Variants in TIMELESS observed in about 807,000 individuals in gnomAD.
TIMELESS encodes protein timeless homolog.
TIMELESS carries 124 observed loss-of-function variants against 164.3 expected under a neutral mutation model. That is an observed-to-expected ratio of 0.75 (90% CI 0.65 to 0.88). The LOEUF (loss-of-function observed/expected upper bound fraction) is 0.88, where lower values mean the gene tolerates loss of function less well. TIMELESS is among the 40% of genes least tolerant of loss of function. The probability of loss-of-function intolerance (pLI) is 0.00; values close to 1 mark genes in which losing one functional copy is unlikely to be tolerated. For synonymous variants in TIMELESS, 564 were observed against 563.4 expected (o/e 1.00, Z -0.02); for missense variants, 1,422 against 1,491.4 (o/e 0.95, Z 0.77).
chr12:56,443,854 C>G (rs17118644), intron 1 of TIMELESS, among the ~76,000 whole-genome samples: 11,146 of 151,476 alleles, frequency 0.074, 1,334 homozygotes, highest in African/African-American at 0.25. Context: ...AGCCTGCAAC[C>G]TGAGCAGGGC....
intron 1 of TIMELESS, among the ~76,000 whole-genome samples, chr12:56,448,406 A>AAAAAC (rs553732855): frequency 7.0e-4 from 105 of 149,134 alleles, no homozygotes; most frequent in African/African-American, 2.1e-3. Flanking sequence ...ACTCCATCTC[A>AAAAAC]AAAACAAAAC....
In TIMELESS at chr12:56,430,655, T is replaced by C. The variant is rs778353281; in HGVS notation, c.909+226A>G. Among the ~76,000 whole-genome samples, 4 of 152,108 alleles carry C rather than the reference T, an allele frequency of 2.6e-5. No individual in the cohort carries two copies. The South Asian group carries it at 8.3e-4, about 32-fold the overall frequency. ...GTGTTAAGATTACAGGCATGAGCCA[T>C]TGTACCCAACCTTTAATTTAATTTT... On this transcript the variant is annotated intron_variant, in intron 9 of 28. Coordinates refer to ENST00000553532, the MANE Select transcript of TIMELESS (RefSeq NM_003920.5).
At position 56,433,769 on chromosome 12, in the gene TIMELESS, C is replaced by T; in HGVS notation, c.251+4G>A. 5.0e-6 allele frequency: 8 copies of T among 1,614,110 alleles called. No homozygotes were observed. The highest frequency in any genetic ancestry group is 6.8e-6 in the Non-Finnish European group (8 of 1,179,980). ...GGCAAAAGTTTAAAAGCTAGGGAGG[C>T]AACCTGATAACAGCATCAAAGAGAG... is the stretch of plus-strand genomic sequence containing the variant. On this transcript the variant is annotated splice_donor_region_variant and intron_variant, in intron 3 of 28. Coordinates refer to ENST00000553532, the MANE Select transcript of TIMELESS (RefSeq NM_003920.5).
intron 1 of TIMELESS, among the ~76,000 whole-genome samples, chr12:56,440,986 T>A (rs1006037168): frequency 8.9e-6 from 1 of 112,664 alleles, no homozygotes; most frequent in Non-Finnish European, 2.1e-5. Flanking sequence ...CCAGGCTAAT[T>A]TTTTTGTGTT....
chr12:56,444,901 A>C (rs1213960390), intron 1 of TIMELESS, among the ~76,000 whole-genome samples: 4 of 150,782 alleles, frequency 2.7e-5, no homozygotes, highest in Non-Finnish European at 4.4e-5. Flanking sequence ...ACTACCACCC[A>C]AGCCAGAAGC....
chr12:56,421,006 T>C lies in TIMELESS; in HGVS notation c.2997A>G (p.Leu999=). The change falls in exon 24 of 29, where the codon TTA becomes TTG. Residue 999 remains leucine, a synonymous_variant. Coordinates refer to ENST00000553532, the MANE Select transcript of TIMELESS (RefSeq NM_003920.5). The stretch of plus-strand genomic sequence containing the variant: ...GACCAAGGTTTTCATTTGAAAGGAC[T>C]AAGCTACCCTGGACTTGTTCTGCTT... ...GSEAEQVQGS[L]VLSNENLGQS... The C allele has an allele frequency of 6.2e-7, 1 of 1,614,248 alleles. No individual in the cohort carries two copies. Among genetic ancestry groups the C allele is most frequent in the Non-Finnish European group, 8.5e-7 (1 of 1,180,038 alleles).
At chr12:56,431,297 T>C (rs886829010) in intron 8 of TIMELESS, among the ~76,000 whole-genome samples, 174 bp downstream of exon 8, 11 of 146,364 alleles carry the variant, frequency 7.5e-5, no homozygotes, top group Non-Finnish European at 1.5e-4. Context: ...GAGGTTGCAG[T>C]GAGCAGAGAT....
intron 1 of TIMELESS, among the ~76,000 whole-genome samples, chr12:56,448,634 C>A (rs1317425670): frequency 6.6e-6 from 1 of 151,630 alleles, no homozygotes; most frequent in African/African-American, 2.4e-5. Flanking sequence ...GAAGCTGAGG[C>A]AAGAGAATCG....
Position 56,417,375 on chromosome 12 carries a change from C to T in TIMELESS, c.*341G>A, listed in dbSNP as rs1881297363. 4.3e-6 allele frequency: 1 copy of T among 233,246 alleles called. No homozygotes were observed. The highest frequency in any genetic ancestry group is 8.4e-6 in the Non-Finnish European group (1 of 118,434). The allele number at this position is 233,246 out of a possible 1,614,324, so 14.4% of individuals were successfully genotyped here. A position where few individuals can be genotyped will look rare whatever the true frequency, so the allele number is the denominator to read the frequency against. ...CACCTCCAAGAGAAAGCCAAAGGAA[C>T]AGACCAATAAAAGGGGTCCGGGGTG... On this transcript the variant is annotated 3_prime_UTR_variant, in exon 29 of 29. Transcript: ENST00000553532.
chr12:56,417,514 A>C lies in TIMELESS; in HGVS notation c.*202T>G, dbSNP rs1189476566. ...AGAGAGCTGCTGGGGCATACCGATA[A>C]AAACTGGGAGAAACAAAGACTGACA... is the stretch of plus-strand genomic sequence containing the variant. On this transcript the variant is annotated 3_prime_UTR_variant, in exon 29 of 29. Coordinates refer to ENST00000553532, the MANE Select transcript of TIMELESS (RefSeq NM_003920.5). 1 of 576,382 alleles carries C rather than the reference A, an allele frequency of 1.7e-6. No homozygotes were observed. The highest frequency in any genetic ancestry group is 3.1e-6 in the Non-Finnish European group (1 of 324,440). 35.7% of individuals were successfully genotyped at this position (576,382 alleles called of 1,614,324 possible).
intron 10 of TIMELESS, among the ~76,000 whole-genome samples, chr12:56,429,356 G>A (rs567961912): frequency 2.6e-5 from 4 of 151,960 alleles, no homozygotes; most frequent in South Asian, 2.1e-4. Flanking sequence ...CCGCCACCAC[G>A]CCCAGTTAAT....
intron 7 of TIMELESS, 106 bp downstream of exon 7, chr12:56,432,263 G>A (rs555590513): frequency 4.2e-5 from 58 of 1,371,436 alleles, no homozygotes; most frequent in Non-Finnish European, 5.3e-5. Flanking sequence ...TCCTGCTGTC[G>A]CCTGCCTTCC....
chr12:56,421,496 A>G lies in TIMELESS; in HGVS notation c.2726-3T>C, dbSNP rs750519400. 8.1e-6 allele frequency: 13 copies of G among 1,608,642 alleles called. No homozygotes were observed. Among genetic ancestry groups the G allele is most frequent in the Non-Finnish European group, 1.0e-5 (12 of 1,176,840 alleles). On this transcript the variant is annotated splice_region_variant and splice_polypyrimidine_tract_variant and intron_variant, in intron 22 of 28. Transcript: ENST00000553532. ...CTTCATGATATGACCCAGGACATCT[A>G]TAAAAAGCAAGCATGTGAATACCCA...
chr12:56,425,291 A>C, intron 13 of TIMELESS, 139 bp from the exon 14 acceptor site: 2 of 1,070,002 alleles, frequency 1.9e-6, no homozygotes, highest in Non-Finnish European at 2.6e-6. Flanking sequence ...ATAGAAAGCA[A>C]TAGTGAACAG....
intron 15 of TIMELESS, 150 bp from the exon 16 acceptor site, chr12:56,424,044 G>T: frequency 1.4e-6 from 1 of 713,236 alleles, no homozygotes; most frequent in Non-Finnish European, 2.3e-6. Flanking sequence ...AGACTCCAGG[G>T]AAAATTTTCC....
intron 10 of TIMELESS, among the ~76,000 whole-genome samples, chr12:56,429,753 G>C (rs1475619694): frequency 6.7e-6 from 1 of 149,180 alleles, no homozygotes; most frequent in African/African-American, 2.5e-5. Flanking sequence ...CTGACCTCAA[G>C]TGATCCACTG....
At chr12:56,430,070 T>C (rs747552240) in intron 10 of TIMELESS, 35 bp downstream of exon 10, 24 of 1,573,822 alleles carry the variant, frequency 1.5e-5, no homozygotes, top group Non-Finnish European at 2.0e-5. Flanking sequence ...TCTATTCCAT[T>C]CCTGATTATC....
At position 56,428,568 on chromosome 12, in the gene TIMELESS, C is replaced by T; in HGVS notation, c.1389G>A (p.Glu463=). 6.2e-7 allele frequency: 1 copy of T among 1,614,076 alleles called. No individual in the cohort carries two copies. Among genetic ancestry groups the T allele is most frequent in the Non-Finnish European group, 8.5e-7 (1 of 1,179,970 alleles). The part of the protein sequence containing the change: ...MDISPDEAVR[E]SSRIIKNNIF... ...CCTCACTCTTGATGATGCGGCTGCT[C>T]TCCCTCACAGCCTCATCTGGAGATA... The change falls in exon 12 of 29, where the codon GAG becomes GAA. Residue 463 remains glutamate (E), a synonymous_variant. Coordinates refer to ENST00000553532, the MANE Select transcript of TIMELESS (RefSeq NM_003920.5).
chr12:56,420,030 AT>A lies in TIMELESS; in HGVS notation c.3228+538del, dbSNP rs369920578. On this transcript the variant is annotated intron_variant, in intron 26 of 28. Coordinates refer to ENST00000553532, the MANE Select transcript of TIMELESS (RefSeq NM_003920.5). ...TCAAAAAAAAAAAAAAAAAAAAAAA[AT>A]ATATATATATATATATATGTGTGTG... is the stretch of plus-strand genomic sequence containing the variant. 4.5e-3 allele frequency among the ~76,000 whole-genome samples: 309 copies of A among 68,284 alleles called. 17 individuals carry two copies. Among genetic ancestry groups the A allele is most frequent in the East Asian group, 0.021 (44 of 2,090 alleles). 44.8% of individuals were successfully genotyped at this position (68,284 alleles called of 152,430 possible).
Sources: allele counts gnomAD v4.1 joint callset (sites outside exome capture counted in the v4.1 genomes callset), GRCh38; gene constraint gnomAD v4.1.1; transcripts MANE v1.5; gene names NCBI Gene and HGNC (gene_info 2026-07-23, HGNC 2026-07-21).